HMCN1: variants seen among roughly 807,000 people sequenced by gnomAD.
The protein encoded by HMCN1 is hemicentin-1.
In HMCN1, 321 loss-of-function variants were observed where a neutral mutation model predicts 625.9. The ratio of observed to expected loss-of-function variants is 0.51; its 90% CI spans 0.47 to 0.56. The LOEUF (loss-of-function observed/expected upper bound fraction) is 0.56. Ranked by LOEUF, HMCN1 falls within the 20% of genes least tolerant of loss-of-function variation. The probability of loss-of-function intolerance (pLI) is 0.00; values close to 1 mark genes in which losing one functional copy is unlikely to be tolerated. For missense variants in HMCN1, 6,588 were observed against 6,887.3 expected (o/e 0.96, Z 1.54); for synonymous variants, 2,425 against 2,417.6 (o/e 1.00, Z -0.09).
At chr1:185,925,874 T>C (rs764398110) in intron 9 of HMCN1, among the ~76,000 whole-genome samples, 6 of 152,142 alleles carry the variant, frequency 3.9e-5, no homozygotes, top group Non-Finnish European at 8.8e-5. Context: ...GAGGCCAGTA[T>C]GGCTGAAGCC....
intron 97 of HMCN1, among the ~76,000 whole-genome samples, chr1:186,155,403 G>A (rs1165090727): frequency 6.6e-6 from 1 of 152,122 alleles, no homozygotes; most frequent in Non-Finnish European, 1.5e-5. Flanking sequence ...CTGCCAGAAT[G>A]AGGAGTTACA....
rs78091391 is a variant in HMCN1 at position 185,795,290 on chromosome 1, G to A, written c.269-50736G>A. 2.6e-5 allele frequency among the ~76,000 whole-genome samples: 4 copies of A among 152,214 alleles called. No individual in the cohort carries two copies. In the East Asian group the frequency reaches 7.7e-4, roughly 29 times the overall value. Reference sequence around the variant, plus strand: ...ACCCAAATATTTCAGTTTCCTAACTGTCCAAGAAATGTACATTTTTATCTT... The same window carrying A: ...ACCCAAATATTTCAGTTTCCTAACTATCCAAGAAATGTACATTTTTATCTT... On this transcript the variant is annotated intron_variant, in intron 1 of 106. Coordinates refer to ENST00000271588, the MANE Select transcript of HMCN1 (RefSeq NM_031935.3).
chr1:186,108,658 C>A, intron 71 of HMCN1, 61 bp downstream of exon 71: 4 of 1,588,776 alleles, frequency 2.5e-6, no homozygotes, highest in Non-Finnish European at 3.4e-6. Context: ...AAAAAATCAG[C>A]TCTAGGGCCT....
Position 186,145,499 on chromosome 1 carries a change from C to G in HMCN1, c.14363C>G (p.Pro4788Arg), listed in dbSNP as rs1401053379. Residue 4788 changes from proline to arginine, a missense_variant, in exon 92 of 107, where the codon CCT (proline) becomes CGT (arginine). Around this residue, in one of 3 missense-constraint regions of HMCN1, gnomAD observed 1,954 missense variants for 2,013.1 expected, o/e 0.97. Coordinates refer to ENST00000271588, the MANE Select transcript of HMCN1 (RefSeq NM_031935.3). Reference sequence around the variant, plus strand: ...CGGTACCGCACATGTGATAACCCTCCTCCCTCCAATGGGGGAAGAGCTTGT... The same window carrying G: ...CGGTACCGCACATGTGATAACCCTCGTCCCTCCAATGGGGGAAGAGCTTGT... ...MRRYRTCDNP[P>R]PSNGGRACGG... The G allele has an allele frequency of 6.2e-7, 1 of 1,613,916 alleles. No individual in the cohort carries two copies. The highest frequency in any genetic ancestry group is 8.5e-7 in the Non-Finnish European group (1 of 1,179,978).
intron 53 of HMCN1, 54 bp from the exon 54 acceptor site, chr1:186,076,374 G>A: frequency 6.6e-7 from 1 of 1,506,950 alleles, no homozygotes; most frequent in Non-Finnish European, 9.2e-7. Flanking sequence ...ACACAGCCAA[G>A]ATCTTTGTTT....
rs753921826 is a variant in HMCN1, at chr1:185,977,860, T to C, written c.2445T>C (p.Tyr815=). The C allele has an allele frequency of 1.6e-5, 25 of 1,612,764 alleles. No individual in the cohort carries two copies. The highest frequency in any genetic ancestry group is 2.2e-5 in the South Asian group (2 of 91,050). ...GCTCAAATGTGACATTACCTTGTTA[T>C]GTTCAGGGTTATCCAGAACCAACAA... ...EIGSNVTLPC[Y]VQGYPEPTIK... The change falls in exon 16 of 107, where the codon TAT becomes TAC. Residue 815 remains tyrosine, a synonymous_variant. Coordinates refer to ENST00000271588, the MANE Select transcript of HMCN1 (RefSeq NM_031935.3).
chr1:185,853,836 C>T (rs1458882371), intron 2 of HMCN1, among the ~76,000 whole-genome samples: 1 of 152,088 alleles, frequency 6.6e-6, no homozygotes, highest in African/African-American at 2.4e-5. Flanking sequence ...TGGGAAATTT[C>T]TTGAATTTCT....
At chr1:186,063,471 AAGGAAGG>A (rs1657901373) in intron 48 of HMCN1, among the ~76,000 whole-genome samples, 1 of 129,886 alleles carries the variant, frequency 7.7e-6, no homozygotes, top group African/African-American at 3.0e-5. Context: ...GGAAGGAAGG[AAGGAAGG>A]AAGGAAGGAA....
At chr1:186,026,936 A>G (rs1235314211) in intron 36 of HMCN1, among the ~76,000 whole-genome samples, 9 of 151,358 alleles carry the variant, frequency 5.9e-5, no homozygotes, top group Non-Finnish European at 1.0e-4. Context: ...TGCCCAGCCC[A>G]GGTTTTTTTT....
chr1:186,007,321 C>A, intron 30 of HMCN1, 39 bp downstream of exon 30: 2 of 1,591,232 alleles, frequency 1.3e-6, no homozygotes, highest in Non-Finnish European at 1.7e-6. Context: ...TGTCTGCTCT[C>A]ATTATAAGTT....
chr1:185,815,890 T>C (rs2102256780), intron 1 of HMCN1, among the ~76,000 whole-genome samples: 1 of 150,286 alleles, frequency 6.7e-6, no homozygotes, highest in Non-Finnish European at 1.5e-5. Context: ...AAATACTGTG[T>C]ACTCCATACT....
At position 186,018,163 on chromosome 1, in the gene HMCN1, C is replaced by T. The variant is rs748219355; in HGVS notation, c.5301-20C>T. ...TTACTTAAAATATTTATCCAGACTT[C>T]CTTTTGCCTTTTTCTATAGGTGGCT... On this transcript the variant is annotated intron_variant, in intron 33 of 106. Transcript: ENST00000271588. 24 of 1,599,180 alleles carry T rather than the reference C, an allele frequency of 1.5e-5. No individual in the cohort carries two copies. The highest frequency in any genetic ancestry group is 3.3e-5 in the Admixed American group (2 of 59,856).
At chr1:186,000,555 GTGTA>G (rs1445057934) in intron 26 of HMCN1, among the ~76,000 whole-genome samples, 37 of 109,356 alleles carry the variant, frequency 3.4e-4, no homozygotes, top group Middle Eastern at 5.3e-3. Context: ...GTGTGTGTGT[GTGTA>G]TGTGTGTGTG....
In HMCN1 at chr1:185,923,367, A is replaced by C. The variant is rs761196423; in HGVS notation, c.1022-23A>C. 24 of 1,582,038 alleles carry C rather than the reference A, an allele frequency of 1.5e-5. No homozygotes were observed. In the Admixed American group the frequency reaches 1.7e-4, roughly 11 times the overall value. On this transcript the variant is annotated intron_variant, in intron 7 of 106. Coordinates refer to ENST00000271588, the MANE Select transcript of HMCN1 (RefSeq NM_031935.3). ...TTCAATTGCTTGTTTCTTGTAAATG[A>C]TAACAAAATCTTTCTCTTGTAGGAA...
chr1:185,975,224 A>T (rs911381216), intron 15 of HMCN1, among the ~76,000 whole-genome samples: 5 of 152,170 alleles, frequency 3.3e-5, no homozygotes, highest in African/African-American at 4.8e-5. Context: ...GACTTCGTGT[A>T]TTCGTCCGTT....
chr1:186,028,728 T>TTC (rs1553277493), intron 36 of HMCN1, among the ~76,000 whole-genome samples: 1 of 142,306 alleles, frequency 7.0e-6, no homozygotes, highest in African/African-American at 3.0e-5. Context: ...AAAGCATATT[T>TTC]TTTTTTTTTT....
At chr1:185,933,881 A>C (rs1011004521) in intron 11 of HMCN1, 57 bp downstream of exon 11, 23 of 1,536,718 alleles carry the variant, frequency 1.5e-5, no homozygotes, top group Admixed American at 3.3e-5. Flanking sequence ...TATTTTTAAA[A>C]TTTTTGTCCT....
chr1:186,105,153 G>A (rs1660554336), intron 69 of HMCN1, among the ~76,000 whole-genome samples: 1 of 152,150 alleles, frequency 6.6e-6, no homozygotes, highest in African/African-American at 2.4e-5. Context: ...TATGTGACAT[G>A]TGTCAGCCTT....
Position 186,057,301 on chromosome 1 carries a change from A to G in HMCN1, c.7212A>G (p.Val2404=), listed in dbSNP as rs368757349. ...ENISVVEKNS[V]SLTCEASGIP... Reference sequence around the variant, plus strand: ...TTAGTGTGGTAGAAAAGAACTCAGTATCTTTGACTTGTGAAGCTTCTGGAA... The same window carrying G: ...TTAGTGTGGTAGAAAAGAACTCAGTGTCTTTGACTTGTGAAGCTTCTGGAA... The change falls in exon 46 of 107, where the codon GTA becomes GTG. Residue 2404 remains valine (V), a synonymous_variant. Coordinates refer to ENST00000271588, the MANE Select transcript of HMCN1 (RefSeq NM_031935.3). The G allele has an allele frequency of 7.9e-5, 128 of 1,610,514 alleles. No homozygotes were observed. The Admixed American group carries it at 9.0e-4, about 11-fold the overall frequency.
Sources: gnomAD v4.1 joint callset for allele counts (sites outside exome capture counted in the v4.1 genomes callset) on GRCh38, gnomAD v4.1.1 for gene constraint, gnomAD v4.1.1 regional missense constraint, MANE v1.5 for transcripts, NCBI Gene and HGNC (gene_info 2026-07-23, HGNC 2026-07-21) for gene names.